GPX7: variants seen among roughly 807,000 people sequenced by gnomAD.
GPX7 encodes the protein glutathione peroxidase 7, also known as protein peroxidase GPX7.
GPX7 carries 21 observed loss-of-function variants against 23.7 expected under a neutral mutation model. The ratio of observed to expected loss-of-function variants is 0.89; its 90% confidence interval spans 0.63 to 1.28. The LOEUF is 1.28. GPX7 is among the 50% of genes most tolerant of loss of function. The probability of loss-of-function intolerance (pLI) is 0.00; values close to 1 mark genes in which losing one functional copy is unlikely to be tolerated. For synonymous variants in GPX7, 112 were observed against 101.8 expected (o/e 1.10, Z -0.61); for missense variants, 238 against 237.3 (o/e 1.00, Z -0.02).
chr1:52,602,758 G>A (rs12089784), intron 1 of GPX7, among the ~76,000 whole-genome samples: 81,372 of 151,372 alleles, frequency 0.54, 22,178 homozygotes, highest in East Asian at 0.76. Context: ...CCGCGGCTAC[G>A]TGGCACGGCC....
chr1:52,605,105 G>A (rs1271646496), intron 1 of GPX7, among the ~76,000 whole-genome samples: 1 of 151,784 alleles, frequency 6.6e-6, no homozygotes, highest in Non-Finnish European at 1.5e-5. Context: ...ATCCAGCAGG[G>A]GGAAAAAAAG....
At chr1:52,606,533 C>T (rs1447340328) in intron 1 of GPX7, 151 bp from the exon 2 acceptor site, 6 of 808,966 alleles carry the variant, frequency 7.4e-6, no homozygotes, top group Non-Finnish European at 9.6e-6. Context: ...ACTGGACACA[C>T]ATTTACATAT....
Position 52,606,898 on chromosome 1 carries a change from T to C in GPX7, c.353T>C (p.Ile118Thr). The C allele has an allele frequency of 2.5e-6, 4 of 1,614,218 alleles. No individual in the cohort carries two copies. The highest frequency in any genetic ancestry group is 3.4e-6 in the Non-Finnish European group (4 of 1,180,028). Residue 118 changes from isoleucine (I) to threonine (T), a missense_variant, in exon 2 of 3, where the codon ATT becomes ACT. Ile to Thr is a moderately conservative substitution (Grantham distance 89). Transcript: ENST00000361314. ...GTCTCATTCCCCATGTTTAGCAAGA[T>C]TGCAGTCACCGGTACTGGTGCCCAT... ...YSVSFPMFSK[I>T]AVTGTGAHPA...
rs1372313012 is a variant in GPX7, at chr1:52,602,936, G to T, written c.138+389G>T. On this transcript the variant is annotated intron_variant, in intron 1 of 2. Coordinates refer to ENST00000361314, the MANE Select transcript of GPX7 (RefSeq NM_015696.5). ...GCATCGTGCGGCCTTTCCCTCTCCC[G>T]TCCTCATTTTCTGCATCTGGAACGG... 1.3e-5 allele frequency among the ~76,000 whole-genome samples: 2 copies of T among 152,192 alleles called. 1 individual carries two copies. The highest frequency in any genetic ancestry group is 4.1e-4 in the South Asian group (2 of 4,834).
At chr1:52,602,877 C>T (rs1690815441) in intron 1 of GPX7, among the ~76,000 whole-genome samples, 1 of 152,196 alleles carries the variant, frequency 6.6e-6, no homozygotes, top group Non-Finnish European at 1.5e-5. Context: ...CACTGCCCAG[C>T]CTTTGCCATT....
At chr1:52,603,753 T>A (rs1201901193) in intron 1 of GPX7, among the ~76,000 whole-genome samples, 1 of 152,194 alleles carries the variant, frequency 6.6e-6, no homozygotes, top group African/African-American at 2.4e-5. Flanking sequence ...TGCTTGATTG[T>A]CCCCCAGAGT....
At chr1:52,603,680 G>A (rs140473807) in intron 1 of GPX7, among the ~76,000 whole-genome samples, 34 of 152,290 alleles carry the variant, frequency 2.2e-4, no homozygotes, top group South Asian at 1.5e-3. Flanking sequence ...CTTTAGTGAA[G>A]ACCAGTACTC....
intron 1 of GPX7, among the ~76,000 whole-genome samples, chr1:52,602,860 C>T (rs2149859069): frequency 1.3e-5 from 2 of 152,278 alleles, no homozygotes; most frequent in South Asian, 4.1e-4. Flanking sequence ...GCCGGGAGGC[C>T]GGGCACCACT....
intron 1 of GPX7, among the ~76,000 whole-genome samples, chr1:52,606,244 C>T (rs1690850667): frequency 6.6e-6 from 1 of 152,104 alleles, no homozygotes; most frequent in South Asian, 2.1e-4. Context: ...GCTGACTGAG[C>T]CAAAAATTGA....
At chr1:52,604,006 T>C (rs1690828805) in intron 1 of GPX7, among the ~76,000 whole-genome samples, 1 of 152,314 alleles carries the variant, frequency 6.6e-6, no homozygotes, top group South Asian at 2.1e-4. Context: ...GAACACCTAC[T>C]GTATACTAAC....
intron 1 of GPX7, among the ~76,000 whole-genome samples, chr1:52,605,544 T>C (rs1690845550): frequency 6.6e-6 from 1 of 152,336 alleles, no homozygotes; most frequent in East Asian, 1.9e-4. Flanking sequence ...ATTAATAATA[T>C]ATACCTAGAA....
Position 52,608,324 on chromosome 1 carries a change from G to C in GPX7, c.463G>C (p.Val155Leu). The C allele has an allele frequency of 6.2e-7, 1 of 1,614,090 alleles. No individual in the cohort carries two copies. The highest frequency in any genetic ancestry group is 8.5e-7 in the Non-Finnish European group (1 of 1,179,970). Residue 155 changes from valine to leucine, a missense_variant, in exon 3 of 3, where the codon GTG becomes CTG. Coordinates refer to ENST00000361314, the MANE Select transcript of GPX7 (RefSeq NM_015696.5). ...GTACCTAGTAGCCCCAGATGGAAAG[G>C]TGGTAGGGGCTTGGGACCCAACTGT... Reference protein sequence around the residue: ...WKYLVAPDGKVVGAWDPTVSV... With the variant: ...WKYLVAPDGKLVGAWDPTVSV...
chr1:52,607,982 G>A (rs543209558), intron 2 of GPX7, among the ~76,000 whole-genome samples: 3 of 152,276 alleles, frequency 2.0e-5, no homozygotes, highest in Admixed American at 6.5e-5. Flanking sequence ...TCAGTAGTTC[G>A]AAGTCATTAA....
At chr1:52,603,221 C>G (rs1300123463) in intron 1 of GPX7, among the ~76,000 whole-genome samples, 2 of 152,182 alleles carry the variant, frequency 1.3e-5, no homozygotes, top group Non-Finnish European at 2.9e-5. Context: ...TAAGAGTCAT[C>G]CAGGCTAATT....
At position 52,606,745 on chromosome 1, in the gene GPX7, T is replaced by TC. The variant is rs760611813; in HGVS notation, c.200_201insC (p.Gln68AlafsTer13). 1 of 1,614,062 alleles carries TC rather than the reference T, an allele frequency of 6.2e-7. No homozygotes were observed. The highest frequency in any genetic ancestry group is 1.3e-5 in the African/African-American group (1 of 74,918). On this transcript the variant is annotated frameshift_variant, in exon 2 of 3. Coordinates refer to ENST00000361314, the MANE Select transcript of GPX7 (RefSeq NM_015696.5). LOFTEE classifies it high-confidence loss of function. ...TTCACAGACCAGCACTACCGAGCCC[T>TC]GCAGCAGCTGCAGCGAGACCTGGGC...
At chr1:52,603,105 A>T (rs942413355) in intron 1 of GPX7, among the ~76,000 whole-genome samples, 1 of 152,144 alleles carries the variant, frequency 6.6e-6, no homozygotes, top group Non-Finnish European at 1.5e-5. Flanking sequence ...AGGCATTCGC[A>T]CAAGGTCACA....
Position 52,602,511 on chromosome 1 carries a change from G to A in GPX7, c.102G>A (p.Arg34=). The change falls in exon 1 of 3, where the codon CGG becomes CGA. Residue 34 remains arginine (R), a synonymous_variant. Coordinates refer to ENST00000361314, the MANE Select transcript of GPX7 (RefSeq NM_015696.5). ...ACGACTTCAAGGCGGTCAACATCCG[G>A]GGCAAACTGGTGTCGCTGGAGAAGT... ...DFYDFKAVNI[R]GKLVSLEKYR... is the part of the protein sequence containing the mutation. 6.4e-7 allele frequency: 1 copy of A among 1,564,492 alleles called. No homozygotes were observed. Among genetic ancestry groups the A allele is most frequent in the Non-Finnish European group, 8.6e-7 (1 of 1,159,650 alleles).
chr1:52,607,085 T>A, intron 2 of GPX7, 140 bp downstream of exon 2: 1 of 789,574 alleles, frequency 1.3e-6, no homozygotes, highest in Non-Finnish European at 2.1e-6. Flanking sequence ...ACTGATGCTT[T>A]GTTCCAGCAC....
Position 52,608,382 on chromosome 1 carries a change from C to A in GPX7, c.521C>A (p.Ala174Glu). ...SVEEVRPQIT[A>E]LVRKLILLKR... ...GAGGAGGTCAGACCCCAGATCACAG[C>A]GCTCGTGAGGAAGCTCATCCTACTG... Residue 174 changes from alanine (A) to glutamate (E), a missense_variant, in exon 3 of 3, where the codon GCG (alanine) becomes GAG (glutamate). Ala to Glu is a moderately radical substitution (Grantham distance 107). Coordinates refer to ENST00000361314, the MANE Select transcript of GPX7 (RefSeq NM_015696.5). 1 of 1,613,706 alleles carries A rather than the reference C, an allele frequency of 6.2e-7. No homozygotes were observed. Among genetic ancestry groups the A allele is most frequent in the South Asian group, 1.1e-5 (1 of 91,040 alleles).
Sources: gnomAD v4.1 joint callset for allele counts (sites outside exome capture counted in the v4.1 genomes callset) on GRCh38, gnomAD v4.1.1 for gene constraint, MANE v1.5 for transcripts, NCBI Gene and HGNC (gene_info 2026-07-23, HGNC 2026-07-21) for gene names.